The following SMC3 variants were observed in gnomAD, a reference collection of about 807,000 sequenced individuals.
SMC3 encodes the protein structural maintenance of chromosomes 3, also known as structural maintenance of chromosomes protein 3.
SMC3 carries 20 observed loss-of-function variants against 171.8 expected under a neutral mutation model. The observed-to-expected ratio is 0.12, with a 90% CI of 0.08 to 0.17. The LOEUF is 0.17. SMC3 is among the 10% of genes least tolerant of loss of function. The pLI is 1.00. For synonymous variants in SMC3, 464 were observed against 451.1 expected (o/e 1.03, Z -0.36); for missense variants, 543 against 1,420.4 (o/e 0.38, Z 9.93).
chr10:110,595,378 A>G (rs80190094), intron 18 of SMC3, among the ~76,000 whole-genome samples: 1,925 of 152,204 alleles, frequency 0.013, 22 homozygotes, highest in Admixed American at 0.042. Flanking sequence ...TTGCTTCCTC[A>G]TCATTGTTTA....
intron 13 of SMC3, among the ~76,000 whole-genome samples, chr10:110,585,401 G>T (rs1347850503): frequency 6.7e-6 from 1 of 150,164 alleles, no homozygotes; most frequent in African/African-American, 2.5e-5. Flanking sequence ...GCAATTCTCT[G>T]CCTCAGCCTC....
In SMC3 at chr10:110,581,143, T is replaced by C. The variant is rs991841648; in HGVS notation, c.547+122T>C. ...ATGACAGCATTAGATAATGCTGTTA[T>C]TAATAAAAATTGAGAATCCATAACA... On this transcript the variant is annotated intron_variant, in intron 8 of 28. Transcript: ENST00000361804. 3.5e-5 allele frequency: 25 copies of C among 715,790 alleles called. No homozygotes were observed. The East Asian group carries it at 6.4e-4, about 18-fold the overall frequency. 44.3% of individuals were successfully genotyped at this position (715,790 alleles called of 1,614,324 possible). A position where few individuals can be genotyped will look rare whatever the true frequency, so the allele number is the denominator to read the frequency against.
chr10:110,582,450 A>G lies in SMC3; in HGVS notation c.724-112A>G, dbSNP rs115841884. ...AATCATTTTTAAAATTTTTGTAGAA[A>G]ATTTGAGCAGTTACTTTTGGTTTAT... On this transcript the variant is annotated intron_variant, in intron 9 of 28. Transcript: ENST00000361804. The G allele has an allele frequency of 8.9e-6, 7 of 786,236 alleles. No individual in the cohort carries two copies. In the East Asian group the frequency reaches 1.9e-4, roughly 21 times the overall value. The allele number at this position is 786,236 out of a possible 1,614,324, so 48.7% of individuals were successfully genotyped here. A position where few individuals can be genotyped will look rare whatever the true frequency, so the allele number is the denominator to read the frequency against.
At position 110,582,042 on chromosome 10, in the gene SMC3, C is replaced by G; in HGVS notation, c.667C>G (p.Leu223Val). The G allele has an allele frequency of 6.2e-7, 1 of 1,613,762 alleles. No individual in the cohort carries two copies. The highest frequency in any genetic ancestry group is 8.5e-7 in the Non-Finnish European group (1 of 1,179,830). The change falls in exon 9 of 29, where the codon CTG becomes GTG. Residue 223 changes from leucine to valine, a missense_variant. Coordinates refer to ENST00000361804, the MANE Select transcript of SMC3 (RefSeq NM_005445.4). ...YQKWDKMRRA[L>V]EYTIYNQELN... Reference sequence around the variant, plus strand: ...GAAGTGGGATAAAATGAGACGAGCCCTGGAATATACCATTTACAATCAGGA... The same window carrying G: ...GAAGTGGGATAAAATGAGACGAGCCGTGGAATATACCATTTACAATCAGGA...
intron 18 of SMC3, among the ~76,000 whole-genome samples, chr10:110,594,873 TA>T (rs1478013044): frequency 2.0e-5 from 3 of 152,184 alleles, no homozygotes; most frequent in African/African-American, 7.2e-5. Context: ...TTGTTACACC[TA>T]AGAAATTTAA....
intron 13 of SMC3, among the ~76,000 whole-genome samples, chr10:110,586,685 G>T (rs1861121650): frequency 6.6e-6 from 1 of 151,874 alleles, no homozygotes; most frequent in Non-Finnish European, 1.5e-5. Flanking sequence ...TTTTGAGACA[G>T]CCCCACTCTG....
rs748630382 is a variant in SMC3 at position 110,589,586 on chromosome 10, T to G, written c.1306-19T>G. On this transcript the variant is annotated intron_variant, in intron 13 of 28. Transcript: ENST00000361804. Reference sequence around the variant, plus strand: ...TAGTTTCATGAAATTGAATTTTAAATTTATTTTTATTTCCATAGAAACTGG... The same window carrying G: ...TAGTTTCATGAAATTGAATTTTAAAGTTATTTTTATTTCCATAGAAACTGG... 2 of 1,512,568 alleles carry G rather than the reference T, an allele frequency of 1.3e-6. No homozygotes were observed. Among genetic ancestry groups the G allele is most frequent in the South Asian group, 2.3e-5 (2 of 86,784 alleles). The allele number at this position is 1,512,568 out of a possible 1,614,324, so 93.7% of individuals were successfully genotyped here. A position where few individuals can be genotyped will look rare whatever the true frequency, so the allele number is the denominator to read the frequency against.
chr10:110,600,951 A>T, intron 22 of SMC3, 71 bp from the exon 23 acceptor site: 1 of 1,096,268 alleles, frequency 9.1e-7, no homozygotes, highest in Non-Finnish European at 1.4e-6. Flanking sequence ...ATGTTTATTC[A>T]GACAATAGCC....
chr10:110,588,210 T>TC (rs1861153902), intron 13 of SMC3, among the ~76,000 whole-genome samples: 1 of 152,198 alleles, frequency 6.6e-6, no homozygotes, highest in Non-Finnish European at 1.5e-5. Flanking sequence ...CAGGATGGTC[T>TC]CCATCTCTTG....
chr10:110,589,263 A>G (rs1179569616), intron 13 of SMC3, among the ~76,000 whole-genome samples: 1 of 152,158 alleles, frequency 6.6e-6, no homozygotes, highest in Non-Finnish European at 1.5e-5. Flanking sequence ...CTGAAATTGG[A>G]TTTTTCAACA....
At chr10:110,591,632 A>G (rs1175187397) in intron 17 of SMC3, among the ~76,000 whole-genome samples, 1 of 152,194 alleles carries the variant, frequency 6.6e-6, no homozygotes, top group African/African-American at 2.4e-5. Flanking sequence ...GTTGGTAACA[A>G]AAGTGCACTT....
chr10:110,593,887 C>G lies in SMC3; in HGVS notation c.1963+664C>G, dbSNP rs538130023. On this transcript the variant is annotated intron_variant, in intron 18 of 28. Transcript: ENST00000361804. Reference sequence around the variant, plus strand: ...CCTGTAATCCCAACAACTCAGAAGGCTGAGGCATGAGAATGGCTTAAACCT... The same window carrying G: ...CCTGTAATCCCAACAACTCAGAAGGGTGAGGCATGAGAATGGCTTAAACCT... 2.0e-5 allele frequency among the ~76,000 whole-genome samples: 3 copies of G among 151,988 alleles called. No individual in the cohort carries two copies. In the East Asian group the frequency reaches 5.8e-4, roughly 30 times the overall value.
In SMC3 at chr10:110,602,599, T is replaced by G; in HGVS notation, c.3231T>G (p.Ser1077Arg). 6.2e-7 allele frequency: 1 copy of G among 1,613,612 alleles called. No individual in the cohort carries two copies. The highest frequency in any genetic ancestry group is 8.5e-7 in the Non-Finnish European group (1 of 1,179,772). ...ATGAAGGAGAAGGGAGTGGTGAGAG[T>G]GAGAGGGGTTCTGGCTCACAAAGCA... Reference protein sequence around the residue: ...SQDEGEGSGESERGSGSQSSV... With the variant: ...SQDEGEGSGERERGSGSQSSV... The change falls in exon 26 of 29, where the codon AGT (serine) becomes AGG (arginine). Residue 1077 changes from serine (S) to arginine (R), a missense_variant. Physicochemically the swap from Ser to Arg is moderately radical, Grantham distance 110. Coordinates refer to ENST00000361804, the MANE Select transcript of SMC3 (RefSeq NM_005445.4).
Position 110,601,803 on chromosome 10 carries a change from A to G in SMC3, c.2811A>G (p.Glu937=). The change falls in exon 24 of 29, where the codon GAA becomes GAG. Residue 937 remains glutamate, a synonymous_variant. Transcript: ENST00000361804. The stretch of plus-strand genomic sequence containing the variant: ...AAGGCATGCTATTGAAGAAGAAAGA[A>G]GAGTGTATGAAGAAAATTCGAGAAC... ...NRQGMLLKKK[E]ECMKKIRELG... The G allele has an allele frequency of 2.5e-6, 4 of 1,613,992 alleles. No homozygotes were observed. The highest frequency in any genetic ancestry group is 3.4e-6 in the Non-Finnish European group (4 of 1,179,904).
intron 3 of SMC3, among the ~76,000 whole-genome samples, chr10:110,574,605 G>A (rs1860919710): frequency 6.6e-6 from 1 of 152,198 alleles, no homozygotes; most frequent in Non-Finnish European, 1.5e-5. Flanking sequence ...CCAGGGCAGT[G>A]TGAAGTCTCC....
chr10:110,595,917 CTTTTTTTTTTTTT>C (rs10639343), intron 18 of SMC3, among the ~76,000 whole-genome samples: 1 of 101,612 alleles, frequency 9.8e-6, no homozygotes, highest in Non-Finnish European at 1.8e-5. Context: ...ACTGGAGGTT[CTTTTTTTTTTTTT>C]TTTTTTTTTA....
At chr10:110,598,009 A>T in intron 19 of SMC3, 130 bp from the exon 20 acceptor site, 1 of 820,600 alleles carries the variant, frequency 1.2e-6, no homozygotes, top group Non-Finnish European at 2.0e-6. Context: ...GTTTTGGTCC[A>T]TAAATTTGAG....
rs775399350 is a variant in SMC3, at chr10:110,567,801, C to T, written c.-16C>T. On this transcript the variant is annotated 5_prime_UTR_variant, in exon 1 of 29. Transcript: ENST00000361804. ...GCTCCGGGGCAGGTCTCCTTCCAGG[C>T]CAGGGGCCCGGAATCATGTACATAA... The T allele has an allele frequency of 3.7e-6, 6 of 1,613,482 alleles. No homozygotes were observed. Among genetic ancestry groups the T allele is most frequent in the Non-Finnish European group, 4.2e-6 (5 of 1,179,786 alleles).
At chr10:110,585,911 C>G (rs1006215703) in intron 13 of SMC3, among the ~76,000 whole-genome samples, 1 of 152,036 alleles carries the variant, frequency 6.6e-6, no homozygotes, top group East Asian at 1.9e-4. Context: ...AATTCTCCTG[C>G]GTCAGCCTCC....
Sources: gnomAD v4.1 joint callset for allele counts (sites outside exome capture counted in the v4.1 genomes callset) on GRCh38, gnomAD v4.1.1 for gene constraint, MANE v1.5 for transcripts, NCBI Gene and HGNC (gene_info 2026-07-23, HGNC 2026-07-21) for gene names.